OBP2B: variants seen among roughly 807,000 people sequenced by gnomAD.
OBP2B encodes the protein odorant binding protein 2B, also known as odorant-binding protein 2b.
OBP2B carries 10 observed loss-of-function variants against 21.7 expected under a neutral mutation model. That is an observed-to-expected ratio of 0.46 (90% CI 0.28 to 0.78). OBP2B has a LOEUF of 0.78. Among genes scored for constraint, OBP2B ranks in the 30% least tolerant of loss-of-function variants. The pLI is 0.11. For missense variants in OBP2B, 153 were observed against 217.7 expected (o/e 0.70, Z 1.87); for synonymous variants, 73 against 91.5 (o/e 0.80, Z 1.16).
At chr9:133,213,023 G>A (rs571205550), upstream of OBP2B, among the ~76,000 whole-genome samples, 7 of 146,818 alleles carry the variant, frequency 4.8e-5, no homozygotes, top group African/African-American at 7.3e-5. Context: ...TCAGGAGTTC[G>A]AGACCAGCCT....
At chr9:133,206,963 C>G (rs1465250564) in intron 4 of OBP2B, among the ~76,000 whole-genome samples, 1 of 152,050 alleles carries the variant, frequency 6.6e-6, no homozygotes, top group African/African-American at 2.4e-5. Flanking sequence ...TGACCCTCCC[C>G]CTTAAGGTGA....
At chr9:133,219,910 A>C in the OBP2B span, among the ~76,000 whole-genome samples, 1 of 152,264 alleles carries the variant, frequency 6.6e-6, no homozygotes, top group Non-Finnish European at 1.5e-5. Flanking sequence ...AAAAGGTGGT[A>C]TTATCCACAC....
At chr9:133,222,321 G>A in the OBP2B span, among the ~76,000 whole-genome samples, 12 of 152,224 alleles carry the variant, frequency 7.9e-5, no homozygotes, top group African/African-American at 2.9e-4. Flanking sequence ...TTTGCTGTGT[G>A]TCCTGGCCAG....
chr9:133,212,927 C>CA (rs547888332), upstream of OBP2B, among the ~76,000 whole-genome samples: 104 of 150,536 alleles, frequency 6.9e-4, 1 homozygote, highest in East Asian at 3.9e-4. Flanking sequence ...GACTCCATCT[C>CA]AAAAAAAACA....
At chr9:133,214,139 G>A (rs1463617022), upstream of OBP2B, among the ~76,000 whole-genome samples, 3 of 152,128 alleles carry the variant, frequency 2.0e-5, no homozygotes, top group East Asian at 1.9e-4. Context: ...TGCAGAAAAA[G>A]TATTTGACTA....
At chr9:133,214,611 G>A in the OBP2B span, among the ~76,000 whole-genome samples, 1 of 152,208 alleles carries the variant, frequency 6.6e-6, no homozygotes, top group Admixed American at 6.5e-5. Context: ...CTAAGAGGGA[G>A]GATTCTGCAG....
At chr9:133,210,096 T>G (rs181228390), upstream of OBP2B, among the ~76,000 whole-genome samples, 2 of 151,884 alleles carry the variant, frequency 1.3e-5, no homozygotes, top group Non-Finnish European at 2.9e-5. Flanking sequence ...GCACCAAGAG[T>G]CACCTGCCAG....
chr9:133,207,499 C>T (rs1317234602), intron 3 of OBP2B, among the ~76,000 whole-genome samples, 163 bp from the exon 4 acceptor site: 1 of 152,160 alleles, frequency 6.6e-6, no homozygotes, highest in African/African-American at 2.4e-5. Flanking sequence ...CAGGAGCCTC[C>T]TCTCAGGAAG....
chr9:133,209,967 G>A (rs1208842387), upstream of OBP2B, among the ~76,000 whole-genome samples: 1 of 152,166 alleles, frequency 6.6e-6, no homozygotes, highest in East Asian at 1.9e-4. This position sits in a 1 kb window ranked among gnomAD's most constrained non-coding sequence, Gnocchi z 6.0. Context: ...CTTCCTGCAC[G>A]TATTCATCGA....
Position 133,207,856 on chromosome 9 carries a change from T to C in OBP2B, c.277+277A>G, listed in dbSNP as rs1416732477. 2.0e-5 allele frequency: 30 copies of C among 1,510,084 alleles called. No homozygotes were observed. The Admixed American group carries it at 5.8e-4, about 29-fold the overall frequency. 93.5% of individuals were successfully genotyped at this position (1,510,084 alleles called of 1,614,324 possible). The stretch of plus-strand genomic sequence containing the variant: ...TCCCCGTACCTAATCCTTGGCCTCC[T>C]TGTCCCAATCCTCAGCTTCCTCAAT... On this transcript the variant is annotated intron_variant, in intron 3 of 6. Coordinates refer to ENST00000372034, the MANE Select transcript of OBP2B (RefSeq NM_014581.4).
chr9:133,206,446 G>C (rs782171013), intron 4 of OBP2B, 30 bp from the exon 5 acceptor site: 1 of 1,611,232 alleles, frequency 6.2e-7, no homozygotes, highest in Non-Finnish European at 8.5e-7. Flanking sequence ...GTGAGCCGAC[G>C]TGGGGACAGC....
chr9:133,215,143 C>G, the OBP2B span, among the ~76,000 whole-genome samples: 2 of 151,860 alleles, frequency 1.3e-5, no homozygotes, highest in Non-Finnish European at 2.9e-5. Flanking sequence ...AGTAACGGAC[C>G]CTAAACTTAA....
At chr9:133,208,446 G>A (rs1833816091) in intron 2 of OBP2B, 23 bp downstream of exon 2, 6 of 1,610,500 alleles carry the variant, frequency 3.7e-6, no homozygotes, top group Non-Finnish European at 5.1e-6. Context: ...GGCCTGAGGG[G>A]CCCTGCAGTG....
At chr9:133,211,759 T>C (rs1833919499), upstream of OBP2B, among the ~76,000 whole-genome samples, 1 of 152,258 alleles carries the variant, frequency 6.6e-6, no homozygotes. Flanking sequence ...CTCAGACTTC[T>C]GGCCACCAGA....
the OBP2B span, among the ~76,000 whole-genome samples, chr9:133,218,025 G>A: frequency 2.0e-5 from 3 of 152,210 alleles, no homozygotes; most frequent in African/African-American, 7.2e-5. Context: ...TCAGTGCTAT[G>A]GAAAAAGCAA....
chr9:133,205,650 C>T, intron 6 of OBP2B: 1 of 611,572 alleles, frequency 1.6e-6, no homozygotes, highest in South Asian at 2.0e-5. Flanking sequence ...TGAGCTGACA[C>T]CTGAGGGAGC....
chr9:133,212,440 C>G (rs1833925244), upstream of OBP2B, among the ~76,000 whole-genome samples: 2 of 152,068 alleles, frequency 1.3e-5, no homozygotes, highest in East Asian at 3.8e-4. Flanking sequence ...AAATGAGCCT[C>G]AAGAAATTTT....
upstream of OBP2B, among the ~76,000 whole-genome samples, chr9:133,209,431 C>T (rs1442746446): frequency 6.6e-6 from 1 of 152,154 alleles, no homozygotes; most frequent in African/African-American, 2.4e-5. This position sits in a 1 kb window ranked among gnomAD's most constrained non-coding sequence, Gnocchi z 6.0. Flanking sequence ...AAAAGACACA[C>T]GATGCCATCC....
At chr9:133,206,233 A>G in intron 5 of OBP2B, 82 bp downstream of exon 5, 7 of 1,443,820 alleles carry the variant, frequency 4.8e-6, no homozygotes, top group Non-Finnish European at 6.8e-6. Flanking sequence ...GGGACATGGG[A>G]GGACATGGGG....
Sources: allele counts gnomAD v4.1 joint callset (sites outside exome capture counted in the v4.1 genomes callset), GRCh38; gene constraint gnomAD v4.1.1; non-coding constraint Gnocchi (gnomAD v3.1); transcripts MANE v1.5; gene names NCBI Gene and HGNC (gene_info 2026-07-23, HGNC 2026-07-21).